Variants in CTNND2 observed in about 807,000 individuals in gnomAD.
CTNND2 encodes the protein catenin delta-2.
A neutral mutation model predicts 144.4 loss-of-function variants in CTNND2; 22 were observed. The observed-to-expected ratio is 0.15, with a 90% CI of 0.11 to 0.22. The LOEUF (loss-of-function observed/expected upper bound fraction) is 0.22, where lower values mean the gene tolerates loss of function less well. Among genes scored for constraint, CTNND2 ranks in the 10% least tolerant of loss-of-function variants. The pLI is 1.00. For missense variants in CTNND2, 1,353 were observed against 1,618.8 expected (o/e 0.84, Z 2.82); for synonymous variants, 751 against 695.6 (o/e 1.08, Z -1.25).
chr5:11,840,855 T>A (rs1048312225), intron 1 of CTNND2, among the ~76,000 whole-genome samples: 21 of 152,166 alleles, frequency 1.4e-4, no homozygotes, highest in African/African-American at 4.6e-4. Context: ...TTCAAGTAAT[T>A]TGGAAACTCC....
chr5:11,702,853 C>G (rs539426398), intron 2 of CTNND2, among the ~76,000 whole-genome samples: 1 of 152,326 alleles, frequency 6.6e-6, no homozygotes, highest in Admixed American at 6.5e-5. Flanking sequence ...CAAACCAACC[C>G]TGACATCCTG....
chr5:11,517,579 A>G (rs904941369), intron 3 of CTNND2, among the ~76,000 whole-genome samples: 33 of 150,094 alleles, frequency 2.2e-4, no homozygotes, highest in African/African-American at 7.8e-4. Flanking sequence ...CATAGTTAAC[A>G]TTTTCTTATT....
Position 11,505,825 on chromosome 5 carries a change from A to G in CTNND2, c.287+59119T>C, listed in dbSNP as rs1260374255. Among the ~76,000 whole-genome samples the G allele has an allele frequency of 2.0e-5, 3 of 152,160 alleles. No homozygotes were observed. The East Asian group carries it at 5.8e-4, about 29-fold the overall frequency. On this transcript the variant is annotated intron_variant, in intron 3 of 21. Transcript: ENST00000304623. ...TTACACAACTCAGCAGCTCCTCACG[A>G]TCCTCTGTGACTGACTTATTTTCTG...
intron 1 of CTNND2, among the ~76,000 whole-genome samples, chr5:11,847,128 TTATATATATATATATA>T (rs56978156): frequency 0.11 from 7,868 of 72,432 alleles, 486 homozygotes; most frequent in Middle Eastern, 0.18. Context: ...GTCAAAGATT[TTATATATATATATATA>T]TATATATATA....
intron 1 of CTNND2, among the ~76,000 whole-genome samples, chr5:11,753,963 T>C (rs932469566): frequency 6.6e-6 from 1 of 151,558 alleles, no homozygotes; most frequent in Admixed American, 6.6e-5. Context: ...GAGGTGTGCA[T>C]AGAGGTGTTT....
intron 2 of CTNND2, among the ~76,000 whole-genome samples, chr5:11,615,491 T>C (rs950213140): frequency 6.6e-6 from 1 of 152,156 alleles, no homozygotes; most frequent in African/African-American, 2.4e-5. Flanking sequence ...GTACTGAAAT[T>C]AGAAATGATG....
At chr5:11,397,420 C>G (rs1245058439) in intron 5 of CTNND2, among the ~76,000 whole-genome samples, 1 of 151,172 alleles carries the variant, frequency 6.6e-6, no homozygotes. Flanking sequence ...TTTAAAAGTT[C>G]TCAAAGGAGT....
intron 1 of CTNND2, among the ~76,000 whole-genome samples, chr5:11,894,228 A>G (rs1337815906): frequency 6.6e-6 from 1 of 152,126 alleles, no homozygotes; most frequent in Non-Finnish European, 1.5e-5. Flanking sequence ...TTCTGGAGAC[A>G]TTTCTACAGA....
intron 16 of CTNND2, among the ~76,000 whole-genome samples, chr5:11,068,767 A>T (rs1747895994): frequency 1.3e-5 from 2 of 152,088 alleles, no homozygotes; most frequent in Admixed American, 1.3e-4. Flanking sequence ...ATGTAAACAA[A>T]TTATCCGGGC....
intron 2 of CTNND2, among the ~76,000 whole-genome samples, chr5:11,670,586 T>A (rs895768160): frequency 6.6e-6 from 1 of 152,168 alleles, no homozygotes; most frequent in Non-Finnish European, 1.5e-5. Flanking sequence ...CTCTGCTTTC[T>A]TTTGCTTTCC....
chr5:11,813,918 CT>C (rs1375675145), intron 1 of CTNND2, among the ~76,000 whole-genome samples: 6 of 152,284 alleles, frequency 3.9e-5, no homozygotes, highest in Middle Eastern at 3.4e-3. Flanking sequence ...GATGGGCACA[CT>C]TTTAATACTC....
intron 5 of CTNND2, among the ~76,000 whole-genome samples, chr5:11,398,306 TTTTAAGA>T (rs1760322850): frequency 6.6e-6 from 1 of 152,214 alleles, no homozygotes; most frequent in African/African-American, 2.4e-5. Flanking sequence ...ATTTTTTTCT[TTTTAAGA>T]ATGGAACATG....
chr5:11,134,765 T>A (rs1333098924), intron 12 of CTNND2, among the ~76,000 whole-genome samples: 2 of 152,210 alleles, frequency 1.3e-5, no homozygotes, highest in Non-Finnish European at 2.9e-5. Context: ...AAGAATGACT[T>A]TTCTTGCTTT....
At chr5:11,641,518 C>T (rs10440687) in intron 2 of CTNND2, among the ~76,000 whole-genome samples, 1 of 150,838 alleles carries the variant, frequency 6.6e-6, no homozygotes, top group South Asian at 2.1e-4. Context: ...TGTACATGCA[C>T]ACATATACAC....
At chr5:11,343,075 G>T (rs1754429901) in intron 9 of CTNND2, among the ~76,000 whole-genome samples, 3 of 152,128 alleles carry the variant, frequency 2.0e-5, no homozygotes, top group African/African-American at 4.8e-5. Context: ...ATTTCTGTGG[G>T]TTTTCTGTTG....
intron 2 of CTNND2, among the ~76,000 whole-genome samples, chr5:11,607,846 T>C (rs1328657066): frequency 6.6e-6 from 1 of 152,186 alleles, no homozygotes; most frequent in Non-Finnish European, 1.5e-5. Flanking sequence ...CCTTCTGCTA[T>C]GAGCAGAAAT....
chr5:11,282,451 G>A (rs140626748), intron 9 of CTNND2, among the ~76,000 whole-genome samples: 1 of 152,230 alleles, frequency 6.6e-6, no homozygotes, highest in African/African-American at 2.4e-5. Flanking sequence ...ATCACGTGTT[G>A]TTTTGAAAAT....
chr5:11,189,420 C>G (rs1321996716), intron 11 of CTNND2, among the ~76,000 whole-genome samples: 1 of 152,152 alleles, frequency 6.6e-6, no homozygotes, highest in African/African-American at 2.4e-5. Flanking sequence ...ACCCCTGAGA[C>G]AGCAAGACCA....
chr5:11,570,696 T>C (rs546595472), intron 2 of CTNND2, among the ~76,000 whole-genome samples: 1 of 152,094 alleles, frequency 6.6e-6, no homozygotes, highest in South Asian at 2.1e-4. Flanking sequence ...ACATGTTGTA[T>C]GTGGTGACAT....
Sources: gnomAD v4.1 joint callset for allele counts (sites outside exome capture counted in the v4.1 genomes callset) on GRCh38, gnomAD v4.1.1 for gene constraint, MANE v1.5 for transcripts, NCBI Gene and HGNC (gene_info 2026-07-23, HGNC 2026-07-21) for gene names.